The following GPR141 variants were observed in gnomAD, a reference collection of about 807,000 sequenced individuals.
GPR141 encodes the protein probable G protein-coupled receptor 141.
In GPR141, 6 loss-of-function variants were observed where a neutral mutation model predicts 6.8. The ratio of observed to expected loss-of-function variants is 0.88; its 90% confidence interval spans 0.48 to 1.74. The LOEUF (loss-of-function observed/expected upper bound fraction) is 1.74, where lower values mean the gene tolerates loss of function less well. GPR141 is among the 40% of genes most tolerant of loss of function. The pLI is 0.01. For missense variants in GPR141, 372 were observed against 372.9 expected, an observed-to-expected ratio of 1.00 and a Z score of 0.02; for synonymous variants, 140 against 142.3, an observed-to-expected ratio of 0.98 and a Z score of 0.11.
rs1305629288 is a variant in GPR141 at position 37,742,181 on chromosome 7, G to T, written c.*870G>T. On this transcript the variant is annotated 3_prime_UTR_variant, in exon 3 of 3. Transcript: ENST00000334425. ...GATGTCCTGGGCCACAGTTAATTAAGATTTTTAGGGGGGACAGAAAGTTAT... is the reference window on the plus strand; with the variant it reads ...GATGTCCTGGGCCACAGTTAATTAATATTTTTAGGGGGGACAGAAAGTTAT... Among the ~76,000 whole-genome samples the T allele has an allele frequency of 6.6e-6, 1 of 151,974 alleles. No individual in the cohort carries two copies. The highest frequency in any genetic ancestry group is 1.5e-5 in the Non-Finnish European group (1 of 67,990).
chr7:37,690,233 T>C (rs1015470531), intron 2 of GPR141, among the ~76,000 whole-genome samples: 6 of 152,164 alleles, frequency 3.9e-5, no homozygotes, highest in Non-Finnish European at 7.3e-5. Context: ...GTTTTGAACA[T>C]TTCTCTTGTA....
chr7:37,712,275 T>A (rs1218395511), intron 2 of GPR141, among the ~76,000 whole-genome samples: 1 of 152,160 alleles, frequency 6.6e-6, no homozygotes, highest in African/African-American at 2.4e-5. Context: ...GTGATCCCCT[T>A]GATAACAGTG....
chr7:37,737,901 G>A (rs1029251445), intron 2 of GPR141, among the ~76,000 whole-genome samples: 2 of 152,156 alleles, frequency 1.3e-5, no homozygotes, highest in African/African-American at 2.4e-5. Flanking sequence ...TAAAGGGAAT[G>A]GGAAAGTAAG....
In GPR141 at chr7:37,714,786, C is replaced by A. The variant is rs376581160; in HGVS notation, c.-14-25594C>A. Among the ~76,000 whole-genome samples, 89 of 152,270 alleles carry A rather than the reference C, an allele frequency of 5.8e-4. 1 individual carries two copies. In the South Asian group the frequency reaches 0.018, roughly 31 times the overall value. On this transcript the variant is annotated intron_variant, in intron 2 of 2. Coordinates refer to ENST00000334425, the MANE Select transcript of GPR141 (RefSeq NM_001381946.1). ...GCCATTCGTGTAGCAAGCACTGTTACGCCATGGCAGTTACTTTGATGTGTG... is the reference window on the plus strand; with the variant it reads ...GCCATTCGTGTAGCAAGCACTGTTAAGCCATGGCAGTTACTTTGATGTGTG...
intron 2 of GPR141, among the ~76,000 whole-genome samples, chr7:37,709,298 A>T (rs940322846): frequency 6.6e-6 from 1 of 150,678 alleles, no homozygotes; most frequent in South Asian, 2.1e-4. Context: ...GTGTGCATAC[A>T]GGGTTGTCTT....
chr7:37,738,331 CT>C (rs1812346567), intron 2 of GPR141, among the ~76,000 whole-genome samples: 1 of 152,184 alleles, frequency 6.6e-6, no homozygotes, highest in Admixed American at 6.5e-5. Flanking sequence ...ACTTACTTTA[CT>C]TTCATCAATT....
chr7:37,693,385 A>T (rs1809871308), intron 2 of GPR141, among the ~76,000 whole-genome samples: 1 of 152,174 alleles, frequency 6.6e-6, no homozygotes, highest in African/African-American at 2.4e-5. Flanking sequence ...TACCAGTATC[A>T]TGCTGTTTTG....
intron 2 of GPR141, among the ~76,000 whole-genome samples, chr7:37,700,882 C>T (rs750024680): frequency 2.0e-5 from 3 of 152,164 alleles, no homozygotes; most frequent in African/African-American, 4.8e-5. Context: ...ACAGTATTCT[C>T]TTTTAGAAGA....
chr7:37,728,283 G>A (rs1164806709), intron 2 of GPR141, among the ~76,000 whole-genome samples: 1 of 151,808 alleles, frequency 6.6e-6, no homozygotes, highest in East Asian at 1.9e-4. Flanking sequence ...AGATTTAAAA[G>A]CGGTGATGTG....
intron 2 of GPR141, among the ~76,000 whole-genome samples, chr7:37,708,181 G>C (rs1392206380): frequency 6.6e-6 from 1 of 152,028 alleles, no homozygotes; most frequent in East Asian, 1.9e-4. Context: ...ACTGAAGCAT[G>C]ATGAGGACAT....
chr7:37,726,086 A>C (rs7779566), intron 2 of GPR141, among the ~76,000 whole-genome samples: 18,384 of 152,294 alleles, frequency 0.12, 1,330 homozygotes, highest in South Asian at 0.23. Context: ...CACCATGTGG[A>C]AACCAATGGG....
intron 2 of GPR141, among the ~76,000 whole-genome samples, chr7:37,728,807 G>A (rs957242590): frequency 6.6e-6 from 1 of 152,150 alleles, no homozygotes; most frequent in East Asian, 1.9e-4. Context: ...GAATCCTGGT[G>A]CACCAGGATA....
At chr7:37,697,359 G>A (rs1810068498) in intron 2 of GPR141, among the ~76,000 whole-genome samples, 1 of 152,182 alleles carries the variant, frequency 6.6e-6, no homozygotes, top group Admixed American at 6.5e-5. Context: ...TTAACCAAAT[G>A]ACTGAGTGGG....
intron 2 of GPR141, among the ~76,000 whole-genome samples, chr7:37,701,564 A>G (rs1810278566): frequency 6.6e-6 from 1 of 152,204 alleles, no homozygotes; most frequent in South Asian, 2.1e-4. Flanking sequence ...TGTTCCAAAT[A>G]TTGCATGGGG....
At chr7:37,729,827 T>C (rs531501407) in intron 2 of GPR141, 3 of 152,222 alleles carry the variant, frequency 2.0e-5, no homozygotes, top group Non-Finnish European at 4.4e-5. Context: ...GTTGTTAATG[T>C]TGTTTAAAAA....
At chr7:37,694,044 C>T (rs1809906799) in intron 2 of GPR141, among the ~76,000 whole-genome samples, 1 of 152,208 alleles carries the variant, frequency 6.6e-6, no homozygotes. Flanking sequence ...GGTATGACCA[C>T]TTCAGACAGT....
intron 2 of GPR141, among the ~76,000 whole-genome samples, chr7:37,718,476 C>T (rs2131808156): frequency 6.6e-6 from 1 of 151,210 alleles, no homozygotes; most frequent in African/African-American, 2.4e-5. Flanking sequence ...TGAACCACTG[C>T]ACTCCAGCCT....
rs1386099327 is a variant in GPR141, at chr7:37,740,890, G to A, written c.497G>A (p.Cys166Tyr). The change falls in exon 3 of 3, where the codon TGT becomes TAT. Residue 166 changes from cysteine (C) to tyrosine (Y), a missense_variant. Cys to Tyr is a radical substitution (Grantham distance 194). Transcript: ENST00000334425. ...GIHEEYNEEH[C>Y]FKFHKELAYT... ...CATGAGGAATACAATGAGGAGCACT[G>A]TTTTAAATTTCACAAAGAGCTTGCT... 2 of 1,614,112 alleles carry A rather than the reference G, an allele frequency of 1.2e-6. No homozygotes were observed. The highest frequency in any genetic ancestry group is 8.5e-7 in the Non-Finnish European group (1 of 1,179,978).
intron 2 of GPR141, among the ~76,000 whole-genome samples, chr7:37,705,047 T>C (rs185344362): frequency 5.3e-5 from 8 of 152,172 alleles, no homozygotes; most frequent in Admixed American, 5.2e-4. Flanking sequence ...ATAATACTTA[T>C]TAAATGAATA....
Sources: allele counts gnomAD v4.1 joint callset (sites outside exome capture counted in the v4.1 genomes callset), GRCh38; gene constraint gnomAD v4.1.1; transcripts MANE v1.5; gene names NCBI Gene and HGNC (gene_info 2026-07-23, HGNC 2026-07-21).